The following RALGPS1 variants were observed in gnomAD, a reference collection of about 807,000 sequenced individuals.
RALGPS1 encodes the protein Ral GEF with PH domain and SH3 binding motif 1.
A neutral mutation model predicts 78.8 loss-of-function variants in RALGPS1; 19 were observed. That is an observed-to-expected ratio of 0.24 (90% CI 0.17 to 0.35). The LOEUF (loss-of-function observed/expected upper bound fraction) is 0.35. Among genes scored for constraint, RALGPS1 ranks in the 10% least tolerant of loss-of-function variants. The pLI is 1.00. For synonymous variants in RALGPS1, 228 were observed against 256.3 expected, an observed-to-expected ratio of 0.89 and a Z score of 1.06; for missense variants, 454 against 688.3, an observed-to-expected ratio of 0.66 and a Z score of 3.81.
At chr9:127,167,924 C>T (rs141268244) in intron 9 of RALGPS1, among the ~76,000 whole-genome samples, 1,908 of 152,332 alleles carry the variant, frequency 0.013, 27 homozygotes, top group Non-Finnish European at 0.018. Context: ...CCAGTCCCTC[C>T]AGAAACGGGC....
At chr9:127,002,433 C>CTTTTTTTTTTT (rs11380006) in intron 4 of RALGPS1, among the ~76,000 whole-genome samples, 1 of 117,432 alleles carries the variant, frequency 8.5e-6, no homozygotes, top group Non-Finnish European at 1.9e-5. Flanking sequence ...CACAAACATT[C>CTTTTTTTTTTT]TTTTTTTTTT....
intron 2 of RALGPS1, among the ~76,000 whole-genome samples, 194 bp from the exon 3 acceptor site, chr9:126,965,650 G>A (rs570866636): frequency 6.6e-6 from 1 of 152,350 alleles, no homozygotes; most frequent in East Asian, 1.9e-4. Flanking sequence ...TAGGGCACAT[G>A]TGAGAAGGAA....
intron 1 of RALGPS1, among the ~76,000 whole-genome samples, chr9:126,929,783 A>C (rs892942374): frequency 2.0e-5 from 3 of 152,058 alleles, no homozygotes; most frequent in Admixed American, 6.5e-5. Context: ...TTTTATTGCC[A>C]CTTCTACTTC....
At chr9:126,974,105 C>G (rs1372596008) in intron 3 of RALGPS1, among the ~76,000 whole-genome samples, 1 of 152,152 alleles carries the variant, frequency 6.6e-6, no homozygotes, top group African/African-American at 2.4e-5. Context: ...AACTCCTGAC[C>G]TCAAGTGATC....
intron 1 of RALGPS1, among the ~76,000 whole-genome samples, chr9:126,958,658 G>A (rs1402142897): frequency 6.6e-6 from 1 of 152,124 alleles, no homozygotes; most frequent in Non-Finnish European, 1.5e-5. Context: ...TTCTCTGTCC[G>A]TTTACCAGGT....
At position 127,031,296 on chromosome 9, in the gene RALGPS1, A is replaced by C. The variant is rs182217865; in HGVS notation, c.217-3135A>C. 2.9e-3 allele frequency among the ~76,000 whole-genome samples: 449 copies of C among 152,358 alleles called. 1 individual carries two copies. The highest frequency in any genetic ancestry group is 6.8e-3 in the Middle Eastern group (2 of 294). Reference sequence around the variant, plus strand: ...TCACATTTTCCTAAACCCACTTAACACGGATGGAATCTCTTGTAATCCTGT... The same window carrying C: ...TCACATTTTCCTAAACCCACTTAACCCGGATGGAATCTCTTGTAATCCTGT... On this transcript the variant is annotated intron_variant, in intron 4 of 18. Coordinates refer to ENST00000259351, the MANE Select transcript of RALGPS1 (RefSeq NM_014636.3).
At chr9:127,111,559 TGA>T (rs1430507046) in intron 8 of RALGPS1, among the ~76,000 whole-genome samples, 1 of 152,204 alleles carries the variant, frequency 6.6e-6, no homozygotes, top group Non-Finnish European at 1.5e-5. Context: ...CATGGACAAG[TGA>T]CTGCCTGAGG....
chr9:127,131,040 A>G (rs1322983444), intron 8 of RALGPS1, among the ~76,000 whole-genome samples: 1 of 152,238 alleles, frequency 6.6e-6, no homozygotes, highest in Non-Finnish European at 1.5e-5. Flanking sequence ...ACTCGCCTCC[A>G]TAAACTTGGC....
chr9:126,955,346 A>G (rs2038241807), intron 1 of RALGPS1, among the ~76,000 whole-genome samples: 1 of 152,190 alleles, frequency 6.6e-6, no homozygotes, highest in Admixed American at 6.5e-5. Flanking sequence ...TTAACTTTGA[A>G]CTGAAATTTA....
intron 4 of RALGPS1, among the ~76,000 whole-genome samples, chr9:127,021,904 T>C (rs2045493154): frequency 6.6e-6 from 1 of 152,068 alleles, no homozygotes; most frequent in East Asian, 1.9e-4. Context: ...CTGGTTCTAA[T>C]TGTGCAGAGC....
chr9:126,938,875 T>C (rs566369873), intron 1 of RALGPS1, among the ~76,000 whole-genome samples: 27 of 151,574 alleles, frequency 1.8e-4, no homozygotes, highest in African/African-American at 6.5e-4. Flanking sequence ...AATGGAAGAG[T>C]AGGAAAGAGC....
chr9:126,916,277 C>T (rs191049169), intron 1 of RALGPS1, among the ~76,000 whole-genome samples: 83 of 152,248 alleles, frequency 5.5e-4, no homozygotes, highest in African/African-American at 1.9e-3. Context: ...AAGACTCAGC[C>T]GTGTCTTGGA....
rs2062807488 is a variant in RALGPS1, at chr9:127,222,763, A to T, written c.*3994A>T. On this transcript the variant is annotated 3_prime_UTR_variant, in exon 19 of 19. Transcript: ENST00000259351. ...TTTAATAAATTTCGTGCCAAAATGC[A>T]TGGTTTTCCACTTAGCATTCAAAAT... 1 of 152,690 alleles carries T rather than the reference A, an allele frequency of 6.5e-6. No individual in the cohort carries two copies. Among genetic ancestry groups the T allele is most frequent in the African/African-American group, 2.4e-5 (1 of 41,476 alleles). The allele number at this position is 152,690 out of a possible 1,614,324, so 9.5% of individuals were successfully genotyped here.
intron 4 of RALGPS1, among the ~76,000 whole-genome samples, chr9:126,985,348 T>G (rs2041698450): frequency 6.6e-6 from 1 of 152,258 alleles, no homozygotes; most frequent in African/African-American, 2.4e-5. Flanking sequence ...AGCTGCATCA[T>G]CTACAGACCT....
intron 1 of RALGPS1, among the ~76,000 whole-genome samples, chr9:126,924,857 G>A (rs1172989507): frequency 4.6e-5 from 7 of 152,258 alleles, no homozygotes; most frequent in Admixed American, 4.6e-4. Context: ...CGGGCGTGGT[G>A]GCTGACGCCT....
At chr9:126,919,350 GA>G (rs1427785325) in intron 1 of RALGPS1, among the ~76,000 whole-genome samples, 1 of 152,136 alleles carries the variant, frequency 6.6e-6, no homozygotes, top group Non-Finnish European at 1.5e-5. Flanking sequence ...TTTGTCCTAG[GA>G]AAAAAAGTGG....
chr9:127,212,361 C>G lies in RALGPS1; in HGVS notation c.1353+125C>G. The stretch of plus-strand genomic sequence containing the variant: ...GGCTCTGCTTGCAGTGGGCATGCAG[C>G]GAGCTGAACTCTCAGGAATTATACC... On this transcript the variant is annotated intron_variant, in intron 15 of 18. Transcript: ENST00000259351. This position sits in a 1 kb window ranked among gnomAD's most constrained non-coding sequence, Gnocchi z 6.0. The G allele has an allele frequency of 5.5e-6, 4 of 729,982 alleles. No homozygotes were observed. In the South Asian group the frequency reaches 7.6e-5, roughly 14 times the overall value. 45.2% of individuals were successfully genotyped at this position (729,982 alleles called of 1,614,324 possible). A position where few individuals can be genotyped will look rare whatever the true frequency, so the allele number is the denominator to read the frequency against.
chr9:127,124,573 C>T (rs908975595), intron 8 of RALGPS1, among the ~76,000 whole-genome samples: 7 of 152,054 alleles, frequency 4.6e-5, no homozygotes, highest in Non-Finnish European at 7.4e-5. Flanking sequence ...GGTTTTAGGC[C>T]GCTAAATTTT....
At chr9:127,019,194 TAAGA>T (rs2045200910) in intron 4 of RALGPS1, among the ~76,000 whole-genome samples, 4 of 152,208 alleles carry the variant, frequency 2.6e-5, no homozygotes, top group Admixed American at 2.6e-4. Flanking sequence ...TCAGGAGAGT[TAAGA>T]AACAGTCACT....
Sources: allele counts gnomAD v4.1 joint callset (sites outside exome capture counted in the v4.1 genomes callset), GRCh38; gene constraint gnomAD v4.1.1; non-coding constraint Gnocchi (gnomAD v3.1); transcripts MANE v1.5; gene names NCBI Gene and HGNC (gene_info 2026-07-23, HGNC 2026-07-21).